Variants in SAMD5 observed in about 807,000 individuals in gnomAD.
SAMD5 encodes sterile alpha motif domain-containing protein 5.
A neutral mutation model predicts 11.3 loss-of-function variants in SAMD5; 13 were observed. The ratio of observed to expected loss-of-function variants is 1.15; its 90% confidence interval spans 0.75 to 1.83. The LOEUF (loss-of-function observed/expected upper bound fraction) is 1.83. SAMD5 is among the 40% of genes most tolerant of loss of function. The probability of loss-of-function intolerance (pLI) is 0.00; values close to 1 mark genes in which losing one functional copy is unlikely to be tolerated. For synonymous variants in SAMD5, 129 were observed against 111.3 expected, an observed-to-expected ratio of 1.16 and a Z score of -1.00; for missense variants, 255 against 239.1, an observed-to-expected ratio of 1.07 and a Z score of -0.44.
the SAMD5 span, among the ~76,000 whole-genome samples, chr6:147,921,338 C>T: frequency 6.8e-6 from 1 of 147,196 alleles, no homozygotes; most frequent in Non-Finnish European, 1.5e-5. Flanking sequence ...GAAGAAGAAA[C>T]AGGTAAGTCT....
At chr6:147,849,062 C>A in the SAMD5 span, among the ~76,000 whole-genome samples, 1 of 152,154 alleles carries the variant, frequency 6.6e-6, no homozygotes, top group African/African-American at 2.4e-5. Flanking sequence ...AGTTTGCCAA[C>A]CCCTCCTTTA....
chr6:147,786,908 G>A, the SAMD5 span, among the ~76,000 whole-genome samples: 4 of 152,152 alleles, frequency 2.6e-5, no homozygotes, highest in Admixed American at 2.6e-4. Context: ...CAGTCACATT[G>A]ACTTCTTAGA....
the SAMD5 span, among the ~76,000 whole-genome samples, chr6:147,877,881 C>CACACACACACACGATA: frequency 1.1e-4 from 9 of 82,344 alleles, no homozygotes; most frequent in African/African-American, 4.2e-4. Context: ...CACACACACA[C>CACACACACACACGATA]GATAGATAGA....
At chr6:147,605,623 C>A (rs1789688189) in intron 1 of SAMD5, among the ~76,000 whole-genome samples, 1 of 152,074 alleles carries the variant, frequency 6.6e-6, no homozygotes, top group Non-Finnish European at 1.5e-5. Context: ...AATATTAACC[C>A]ATTTTTAAAA....
At chr6:147,701,769 C>T (rs1791256790) in intron 1 of SAMD5, among the ~76,000 whole-genome samples, 1 of 152,096 alleles carries the variant, frequency 6.6e-6, no homozygotes, top group Non-Finnish European at 1.5e-5. Context: ...ATTAAGGTGT[C>T]CCTTAATATG....
At chr6:147,858,960 A>G in the SAMD5 span, among the ~76,000 whole-genome samples, 18 of 152,310 alleles carry the variant, frequency 1.2e-4, no homozygotes, top group Admixed American at 2.6e-4. Context: ...AATAAGTACA[A>G]TATTAGTATG....
the SAMD5 span, among the ~76,000 whole-genome samples, chr6:147,793,235 C>T: frequency 1.3e-5 from 2 of 152,098 alleles, no homozygotes; most frequent in Non-Finnish European, 2.9e-5. Flanking sequence ...CCTTATCCCC[C>T]CCAAATCCAT....
chr6:147,885,117 G>A, the SAMD5 span, among the ~76,000 whole-genome samples: 1 of 152,108 alleles, frequency 6.6e-6, no homozygotes, highest in Non-Finnish European at 1.5e-5. Flanking sequence ...TTCATGAACT[G>A]CCAGTATTGC....
At chr6:147,909,293 C>A in the SAMD5 span, among the ~76,000 whole-genome samples, 1 of 151,026 alleles carries the variant, frequency 6.6e-6, no homozygotes, top group East Asian at 2.0e-4. Context: ...TGCTTTTGTA[C>A]AGTAAAGTCC....
At chr6:147,694,224 T>C (rs1444558751) in intron 1 of SAMD5, among the ~76,000 whole-genome samples, 1 of 152,174 alleles carries the variant, frequency 6.6e-6, no homozygotes, top group African/African-American at 2.4e-5. Context: ...TTTAGAAGTG[T>C]AATGTGATAA....
At chr6:147,800,069 C>T in the SAMD5 span, among the ~76,000 whole-genome samples, 3 of 152,186 alleles carry the variant, frequency 2.0e-5, no homozygotes, top group Admixed American at 1.3e-4. Flanking sequence ...TCTCTCAGCT[C>T]GTCAAAGTCA....
chr6:147,704,109 A>G (rs2128458029), intron 1 of SAMD5, among the ~76,000 whole-genome samples: 1 of 152,060 alleles, frequency 6.6e-6, no homozygotes, highest in Non-Finnish European at 1.5e-5. Flanking sequence ...GTTAGCCAGG[A>G]TGGTCTCGAT....
the SAMD5 span, among the ~76,000 whole-genome samples, chr6:147,910,755 A>G: frequency 6.6e-6 from 1 of 152,128 alleles, no homozygotes; most frequent in Admixed American, 6.5e-5. Context: ...GAAAAGAAAG[A>G]TTTTTTTCCA....
the SAMD5 span, among the ~76,000 whole-genome samples, chr6:147,745,876 T>G: frequency 6.6e-6 from 1 of 150,920 alleles, no homozygotes; most frequent in Admixed American, 6.6e-5. Context: ...CCTCACAGGC[T>G]CATTACAGGC....
chr6:147,691,029 T>C (rs1304246283), intron 1 of SAMD5, among the ~76,000 whole-genome samples: 1 of 151,264 alleles, frequency 6.6e-6, no homozygotes, highest in African/African-American at 2.4e-5. Flanking sequence ...AGTTTCACTC[T>C]TGTTGCCCAG....
the SAMD5 span, chr6:147,953,471 A>C: frequency 5.3e-5 from 8 of 152,136 alleles, no homozygotes; most frequent in African/African-American, 1.9e-4. Context: ...TTCTATTTAC[A>C]CCATCCCTGT....
At chr6:147,932,646 A>C in the SAMD5 span, among the ~76,000 whole-genome samples, 1 of 121,756 alleles carries the variant, frequency 8.2e-6, no homozygotes. Flanking sequence ...GTGTTGGGGG[A>C]GGGGAATGAA....
At chr6:147,760,573 C>T in the SAMD5 span, among the ~76,000 whole-genome samples, 1 of 151,944 alleles carries the variant, frequency 6.6e-6, no homozygotes, top group Non-Finnish European at 1.5e-5. Context: ...TGAGGCATCT[C>T]AAAGAATTGC....
chr6:147,630,549 A>AC (rs373419919), intron 1 of SAMD5, among the ~76,000 whole-genome samples: 14 of 149,476 alleles, frequency 9.4e-5, no homozygotes, highest in African/African-American at 3.0e-4. Context: ...GTATCTTGTG[A>AC]CCCCCACCCC....
Sources: allele counts gnomAD v4.1 joint callset (sites outside exome capture counted in the v4.1 genomes callset), GRCh38; gene constraint gnomAD v4.1.1; transcripts MANE v1.5; gene names NCBI Gene and HGNC (gene_info 2026-07-23, HGNC 2026-07-21).